Variants in RUNDC3B observed in about 807,000 individuals in gnomAD.
RUNDC3B encodes RUN domain-containing protein 3B.
Under a neutral mutation model 58.4 loss-of-function variants are expected in RUNDC3B, and 33 were observed. That is an observed-to-expected ratio of 0.56 (90% CI 0.43 to 0.75). The LOEUF (loss-of-function observed/expected upper bound fraction) is 0.75. Ranked by LOEUF, RUNDC3B falls within the 30% of genes least tolerant of loss-of-function variation. The probability of loss-of-function intolerance (pLI) is 0.00; values close to 1 mark genes in which losing one functional copy is unlikely to be tolerated. For synonymous variants in RUNDC3B, 193 were observed against 195.2 expected, an observed-to-expected ratio of 0.99 and a Z score of 0.10; for missense variants, 501 against 535.7, an observed-to-expected ratio of 0.94 and a Z score of 0.64.
At chr7:87,770,257 G>T (rs1412594170) in intron 6 of RUNDC3B, among the ~76,000 whole-genome samples, 2 of 151,938 alleles carry the variant, frequency 1.3e-5, no homozygotes, top group African/African-American at 4.8e-5. Context: ...TGTTTCCAGC[G>T]CATCTAGAGT....
chr7:87,736,514 A>T (rs1271462211), intron 4 of RUNDC3B, among the ~76,000 whole-genome samples: 1 of 151,828 alleles, frequency 6.6e-6, no homozygotes, highest in Non-Finnish European at 1.5e-5. Flanking sequence ...CTAGTCACTA[A>T]TGTTTTTCTA....
chr7:87,822,476 G>A (rs1837524399), intron 10 of RUNDC3B, among the ~76,000 whole-genome samples: 1 of 152,210 alleles, frequency 6.6e-6, no homozygotes, highest in African/African-American at 2.4e-5. Context: ...GGAAGTCAGT[G>A]TGGCTATTCC....
chr7:87,820,587 A>C (rs887386493), intron 10 of RUNDC3B, among the ~76,000 whole-genome samples: 1 of 152,144 alleles, frequency 6.6e-6, no homozygotes, highest in Non-Finnish European at 1.5e-5. Context: ...CACAACCAAA[A>C]AAGAGAATTC....
At chr7:87,793,502 G>T (rs925209106) in intron 8 of RUNDC3B, among the ~76,000 whole-genome samples, 3 of 152,094 alleles carry the variant, frequency 2.0e-5, no homozygotes, top group African/African-American at 7.2e-5. Flanking sequence ...TTATCTCAGG[G>T]ATATAAGGAT....
chr7:87,703,962 C>T (rs1829367344), intron 3 of RUNDC3B, among the ~76,000 whole-genome samples: 1 of 111,446 alleles, frequency 9.0e-6, no homozygotes, highest in African/African-American at 3.5e-5. Context: ...GTTCTGTCGC[C>T]CAGGCTGGAG....
At chr7:87,824,560 G>C (rs911009081) in intron 10 of RUNDC3B, among the ~76,000 whole-genome samples, 1 of 152,166 alleles carries the variant, frequency 6.6e-6, no homozygotes, top group African/African-American at 2.4e-5. Context: ...GTGGGGCACT[G>C]CTGAAAAGAT....
intron 6 of RUNDC3B, among the ~76,000 whole-genome samples, chr7:87,754,308 G>A (rs1306245997): frequency 6.6e-6 from 1 of 152,044 alleles, no homozygotes; most frequent in Admixed American, 6.6e-5. Flanking sequence ...ATGAAATTAT[G>A]TAGGAATTAA....
chr7:87,658,621 T>A (rs1222048024), intron 2 of RUNDC3B, among the ~76,000 whole-genome samples: 1 of 151,910 alleles, frequency 6.6e-6, no homozygotes, highest in East Asian at 1.9e-4. Flanking sequence ...AAAGAAAAAA[T>A]GTTGCAAATA....
rs71117546 is a variant in RUNDC3B at position 87,628,584 on chromosome 7, CGTGTGT to C, written c.-204_-199del. 0.12 allele frequency: 35,682 copies of C among 289,232 alleles called. 1,511 individuals carry two copies. Among genetic ancestry groups the C allele is most frequent in the African/African-American group, 0.17 (6,916 of 41,642 alleles). 17.9% of individuals were successfully genotyped at this position (289,232 alleles called of 1,614,324 possible). A position where few individuals can be genotyped will look rare whatever the true frequency, so the allele number is the denominator to read the frequency against. On this transcript the variant is annotated 5_prime_UTR_variant, in exon 1 of 11. Coordinates refer to ENST00000394654, the MANE Select transcript of RUNDC3B (RefSeq NM_001134405.2). Reference sequence around the variant, plus strand: ...CGAGGGCGGAGGTGGTGCGTGCGTGCGTGTGTGTGTGTGTGTGTGTGTGTGTGTGTG... The same window carrying C: ...CGAGGGCGGAGGTGGTGCGTGCGTGCGTGTGTGTGTGTGTGTGTGTGTGTG...
At chr7:87,650,251 C>T (rs1823444111) in intron 1 of RUNDC3B, among the ~76,000 whole-genome samples, 1 of 152,050 alleles carries the variant, frequency 6.6e-6, no homozygotes, top group African/African-American at 2.4e-5. Flanking sequence ...TTAGTTTTTT[C>T]AGTAGATACT....
At chr7:87,650,469 C>A (rs879210148) in intron 1 of RUNDC3B, among the ~76,000 whole-genome samples, 6 of 152,042 alleles carry the variant, frequency 3.9e-5, no homozygotes, top group Admixed American at 1.3e-4. Flanking sequence ...TCCCTCAGGC[C>A]TCTTTTATAA....
At chr7:87,655,168 TAAATAA>T (rs1823971148) in intron 2 of RUNDC3B, among the ~76,000 whole-genome samples, 1 of 152,052 alleles carries the variant, frequency 6.6e-6, no homozygotes, top group Non-Finnish European at 1.5e-5. Flanking sequence ...TCTATGTGAT[TAAATAA>T]AAATAAAAAT....
intron 8 of RUNDC3B, among the ~76,000 whole-genome samples, chr7:87,796,347 G>A (rs114785163): frequency 0.011 from 1,742 of 152,108 alleles, 41 homozygotes; most frequent in African/African-American, 0.04. Context: ...AAGTAGGGAT[G>A]GTTAATGGGT....
At chr7:87,826,889 T>A (rs1429692119) in intron 10 of RUNDC3B, among the ~76,000 whole-genome samples, 1 of 152,142 alleles carries the variant, frequency 6.6e-6, no homozygotes, top group Non-Finnish European at 1.5e-5. Context: ...GAGAAAAGAA[T>A]GAAGTTGGCA....
chr7:87,821,572 C>T lies in RUNDC3B; in HGVS notation c.1225+5310C>T, dbSNP rs181868062. Among the ~76,000 whole-genome samples the T allele has an allele frequency of 7.0e-3, 1,070 of 152,254 alleles. 4 individuals carry two copies. The highest frequency in any genetic ancestry group is 0.012 in the Admixed American group (180 of 15,282). ...GTTCATGTGGAATCAAAAAAGAGCC[C>T]GCATCGCCAAGTCAATCCTAAGCCA... On this transcript the variant is annotated intron_variant, in intron 10 of 10. Coordinates refer to ENST00000394654, the MANE Select transcript of RUNDC3B (RefSeq NM_001134405.2).
chr7:87,641,158 T>A (rs1822414403), intron 1 of RUNDC3B, among the ~76,000 whole-genome samples: 1 of 152,218 alleles, frequency 6.6e-6, no homozygotes, highest in Admixed American at 6.5e-5. Context: ...TTTAGTACTA[T>A]CATGTTTACC....
At chr7:87,699,780 T>G (rs1429840870) in intron 2 of RUNDC3B, among the ~76,000 whole-genome samples, 1 of 152,156 alleles carries the variant, frequency 6.6e-6, no homozygotes, top group African/African-American at 2.4e-5. Flanking sequence ...GTTAGCCAAA[T>G]CTGAAAGATT....
chr7:87,808,439 A>T (rs1054762474), intron 9 of RUNDC3B, among the ~76,000 whole-genome samples: 1 of 152,100 alleles, frequency 6.6e-6, no homozygotes, highest in Non-Finnish European at 1.5e-5. Context: ...ATTTTAGTAC[A>T]AACAATTTCC....
At chr7:87,668,525 T>C (rs1825501164) in intron 2 of RUNDC3B, among the ~76,000 whole-genome samples, 1 of 152,038 alleles carries the variant, frequency 6.6e-6, no homozygotes. Flanking sequence ...CCGCTAGTAT[T>C]GGGGTTGATT....
Sources: allele counts gnomAD v4.1 joint callset (sites outside exome capture counted in the v4.1 genomes callset), GRCh38; gene constraint gnomAD v4.1.1; transcripts MANE v1.5; gene names NCBI Gene and HGNC (gene_info 2026-07-23, HGNC 2026-07-21).